PRPF18: variants seen among roughly 807,000 people sequenced by gnomAD.
PRPF18 encodes pre-mRNA-splicing factor 18.
A neutral mutation model predicts 46.5 loss-of-function variants in PRPF18; 38 were observed. The observed-to-expected ratio is 0.82, with a 90% CI of 0.63 to 1.07. The LOEUF is 1.07. PRPF18 is among the 50% of genes least tolerant of loss of function. The pLI, the probability that PRPF18 is intolerant of heterozygous loss-of-function variation, is 0.00. For synonymous variants in PRPF18, 152 were observed against 146.7 expected (o/e 1.04, Z -0.26); for missense variants, 263 against 410.0 (o/e 0.64, Z 3.10).
chr10:13,655,164 G>A, the PRPF18 span: 10 of 152,106 alleles, frequency 6.6e-5, no homozygotes, highest in South Asian at 2.1e-4. Flanking sequence ...TCAATCCTAC[G>A]TAAATGCATC....
the PRPF18 span, chr10:13,640,966 C>T: frequency 6.6e-6 from 1 of 152,410 alleles, no homozygotes; most frequent in African/African-American, 2.4e-5. Flanking sequence ...CTAACCTACC[C>T]TTCTCATACA....
At chr10:13,630,864 T>A (rs1354217923), downstream of PRPF18, 2 of 152,266 alleles carry the variant, frequency 1.3e-5, no homozygotes, top group Non-Finnish European at 2.9e-5. Context: ...ATATTATTAC[T>A]GGTATAACTC....
intron 9 of PRPF18, among the ~76,000 whole-genome samples, chr10:13,628,331 T>C (rs2080541161): frequency 6.6e-6 from 1 of 152,212 alleles, no homozygotes; most frequent in Non-Finnish European, 1.5e-5. Context: ...CATAGAAGTA[T>C]GTCATTTGTC....
the PRPF18 span, chr10:13,649,315 T>C: frequency 1.5e-5 from 2 of 130,268 alleles, no homozygotes; most frequent in Non-Finnish European, 3.7e-5. Flanking sequence ...AGGTTAAGGG[T>C]TCCTGTGGTG....
chr10:13,635,568 A>C (rs893787052), downstream of PRPF18, among the ~76,000 whole-genome samples: 2 of 151,962 alleles, frequency 1.3e-5, no homozygotes, highest in Non-Finnish European at 2.9e-5. Context: ...GTTATTTTTT[A>C]ATTTTTTGAT....
At chr10:13,611,528 G>C in intron 5 of PRPF18, 87 bp from the exon 6 acceptor site, 2 of 1,076,436 alleles carry the variant, frequency 1.9e-6, no homozygotes, top group Non-Finnish European at 2.8e-6. Flanking sequence ...ATGTGACCAA[G>C]AGCCATGTTT....
At position 13,600,291 on chromosome 10, in the gene PRPF18, A is replaced by C; in HGVS notation, c.192A>C (p.Pro64=). ...AGAAACCATTAACTTCATCGAATCC[A>C]GTGTTAGAACTTGAACTGGCAGAGG... ...EDQKPLTSSN[P]VLELELAEEK... is the part of the protein sequence containing the mutation. The change falls in exon 3 of 10, where the codon CCA becomes CCC. Residue 64 remains proline, a synonymous_variant. Transcript: ENST00000378572. 6.2e-7 allele frequency: 1 copy of C among 1,612,924 alleles called. No individual in the cohort carries two copies. The highest frequency in any genetic ancestry group is 8.5e-7 in the Non-Finnish European group (1 of 1,179,472).
intron 4 of PRPF18, among the ~76,000 whole-genome samples, chr10:13,607,766 C>A (rs1027528805): frequency 2.6e-5 from 4 of 152,188 alleles, no homozygotes; most frequent in African/African-American, 9.6e-5. Flanking sequence ...CTTAAGAAAT[C>A]TTTGCCTATC....
At chr10:13,619,652 A>G (rs776557431) in intron 9 of PRPF18, among the ~76,000 whole-genome samples, 1 of 152,104 alleles carries the variant, frequency 6.6e-6, no homozygotes, top group Non-Finnish European at 1.5e-5. Context: ...TGTAGGTGCA[A>G]CTAGAAGCTG....
chr10:13,611,586 G>A (rs1483194077), intron 5 of PRPF18, 29 bp from the exon 6 acceptor site: 2 of 1,590,862 alleles, frequency 1.3e-6, no homozygotes. Context: ...CTGTATTAAT[G>A]AACAGAAGCA....
At chr10:13,613,717 TAA>T in intron 6 of PRPF18, 22 bp from the exon 7 acceptor site, 1 of 1,606,314 alleles carries the variant, frequency 6.2e-7, no homozygotes, top group South Asian at 1.1e-5. Flanking sequence ...CATTGTAGTC[TAA>T]GTTTACCCAT....
At chr10:13,617,435 A>T (rs2080361326) in intron 9 of PRPF18, among the ~76,000 whole-genome samples, 1 of 151,998 alleles carries the variant, frequency 6.6e-6, no homozygotes, top group Admixed American at 6.6e-5. Flanking sequence ...TTTCAATCGG[A>T]CTCCCTCATG....
chr10:13,619,929 C>A (rs780841069), intron 9 of PRPF18, among the ~76,000 whole-genome samples: 1 of 151,492 alleles, frequency 6.6e-6, no homozygotes, highest in African/African-American at 2.4e-5. Flanking sequence ...AACAGAATGC[C>A]AGTTTGTGAT....
intron 9 of PRPF18, among the ~76,000 whole-genome samples, chr10:13,627,443 T>C (rs987752080): frequency 1.3e-5 from 2 of 152,210 alleles, no homozygotes; most frequent in African/African-American, 2.4e-5. Context: ...CACAAGTTTT[T>C]AAGCCATTTG....
chr10:13,588,462 G>T (rs946977809), intron 1 of PRPF18, among the ~76,000 whole-genome samples: 2 of 151,180 alleles, frequency 1.3e-5, no homozygotes, highest in African/African-American at 4.9e-5. Flanking sequence ...GTCTAGTCCC[G>T]GCTGCTTGGG....
rs777743911 is a variant in PRPF18 at position 13,610,031 on chromosome 10, T to C, written c.364-8T>C. 10 of 1,586,580 alleles carry C rather than the reference T, an allele frequency of 6.3e-6. No homozygotes were observed. Among genetic ancestry groups the C allele is most frequent in the Non-Finnish European group, 6.0e-6 (7 of 1,161,290 alleles). ...AACAGGTGTTCTTCCTTTTTTTGCT[T>C]TTCTTAGGGATTGAGGAATGATTTG... On this transcript the variant is annotated splice_polypyrimidine_tract_variant and splice_region_variant and intron_variant, in intron 4 of 9. Transcript: ENST00000378572.
chr10:13,622,317 G>T (rs2080431978), intron 9 of PRPF18, among the ~76,000 whole-genome samples: 1 of 152,212 alleles, frequency 6.6e-6, no homozygotes, highest in African/African-American at 2.4e-5. Flanking sequence ...GCGTGTTTTG[G>T]AAACAGATTT....
intron 6 of PRPF18, 122 bp from the exon 7 acceptor site, chr10:13,613,619 C>T (rs888522440): frequency 6.8e-5 from 73 of 1,067,764 alleles, no homozygotes; most frequent in Non-Finnish European, 8.7e-5. Flanking sequence ...TATTTGGTGG[C>T]ATTTTAATCA....
At chr10:13,609,492 T>C (rs1342202642) in intron 4 of PRPF18, among the ~76,000 whole-genome samples, 1 of 152,240 alleles carries the variant, frequency 6.6e-6, no homozygotes, top group Non-Finnish European at 1.5e-5. Flanking sequence ...CATTCATTTT[T>C]AGGAAGATGA....
Sources: gnomAD v4.1 joint callset for allele counts (sites outside exome capture counted in the v4.1 genomes callset) on GRCh38, gnomAD v4.1.1 for gene constraint, MANE v1.5 for transcripts, NCBI Gene and HGNC (gene_info 2026-07-23, HGNC 2026-07-21) for gene names.